Variants in SLC26A8 observed in about 807,000 individuals in gnomAD.
The protein encoded by SLC26A8 is solute carrier family 26 member 8.
Under a neutral mutation model 105.0 loss-of-function variants are expected in SLC26A8, and 70 were observed. The ratio of observed to expected loss-of-function variants is 0.67; its 90% CI spans 0.55 to 0.81. SLC26A8 has a LOEUF of 0.81. Among genes scored for constraint, SLC26A8 ranks in the 40% least tolerant of loss-of-function variants. The pLI is 0.00. For missense variants in SLC26A8, 998 were observed against 1,181.8 expected (o/e 0.84, Z 2.28); for synonymous variants, 415 against 438.3 (o/e 0.95, Z 0.66).
intron 3 of SLC26A8, among the ~76,000 whole-genome samples, chr6:36,006,276 C>T (rs1441851291): frequency 6.6e-6 from 1 of 152,124 alleles, no homozygotes; most frequent in African/African-American, 2.4e-5. Context: ...CATACCACTA[C>T]ACCTGGCTAA....
intron 7 of SLC26A8, among the ~76,000 whole-genome samples, chr6:35,986,858 T>C (rs1241671512): frequency 2.0e-5 from 3 of 152,176 alleles, no homozygotes; most frequent in African/African-American, 4.8e-5. Flanking sequence ...ACCACATGTA[T>C]CCATTTATCT....
chr6:35,961,700 A>G (rs1772313791), intron 12 of SLC26A8, among the ~76,000 whole-genome samples: 1 of 152,164 alleles, frequency 6.6e-6, no homozygotes, highest in Non-Finnish European at 1.5e-5. Flanking sequence ...TTAGCTCCTC[A>G]GGGATCTGGC....
In SLC26A8 at chr6:36,012,187, G is replaced by A. The variant is rs1761878200; in HGVS notation, c.328+46C>T. ...TGTTTACCCTGGGCACGTGGACAAG[G>A]TCTGATACATTGTCTTTGGATGAAC... On this transcript the variant is annotated intron_variant, in intron 3 of 19. Coordinates refer to ENST00000490799, the MANE Select transcript of SLC26A8 (RefSeq NM_052961.4). The A allele has an allele frequency of 1.9e-6, 3 of 1,596,672 alleles. No homozygotes were observed. The South Asian group carries it at 3.4e-5, about 18-fold the overall frequency.
intron 3 of SLC26A8, among the ~76,000 whole-genome samples, chr6:36,006,260 C>T (rs1174354758): frequency 1.3e-5 from 2 of 152,130 alleles, no homozygotes; most frequent in Non-Finnish European, 2.9e-5. Context: ...GCTGGGATTA[C>T]AGGCACATAC....
At chr6:35,980,565 G>A (rs898581650) in intron 8 of SLC26A8, among the ~76,000 whole-genome samples, 6 of 152,132 alleles carry the variant, frequency 3.9e-5, no homozygotes, top group Non-Finnish European at 8.8e-5. Flanking sequence ...TGAGGACAGA[G>A]ATCGTGTCTT....
rs140565578 is a variant in SLC26A8 at position 35,955,163 on chromosome 6, C to G, written c.2221G>C (p.Val741Leu). Residue 741 changes from valine to leucine, a missense_variant, in exon 17 of 20, where the codon GTA (valine) becomes CTA (leucine). Val to Leu is a conservative substitution (Grantham distance 32). Transcript: ENST00000490799. ...TCCTCAGTACTTACCTGTCTTAATA[C>G]GACTAACCCCCGTGAATCCACGTAG... Reference protein sequence around the residue: ...VHYVDSRGLVVLRQICNAFQN... With the variant: ...VHYVDSRGLVLLRQICNAFQN... The G allele has an allele frequency of 6.2e-7, 1 of 1,614,064 alleles. No individual in the cohort carries two copies. Among genetic ancestry groups the G allele is most frequent in the East Asian group, 2.2e-5 (1 of 44,880 alleles).
At position 35,992,605 on chromosome 6, in the gene SLC26A8, G is replaced by C; in HGVS notation, c.697C>G (p.Leu233Val). ...ATGATATGAAGTGCCACAGCAGCCA[G>C]GTAAGCACTCATTGCAGACTCCGGA... ...YLPESAMSAY[L>V]AAVALHIMLS... The change falls in exon 6 of 20, where the codon CTG becomes GTG. Residue 233 changes from leucine (L) to valine (V), a missense_variant. Leu to Val is a conservative substitution (Grantham distance 32). Transcript: ENST00000490799. 6.2e-7 allele frequency: 1 copy of C among 1,614,150 alleles called. No homozygotes were observed. The highest frequency in any genetic ancestry group is 1.1e-5 in the South Asian group (1 of 91,084).
At chr6:36,003,957 G>A (rs532583584) in intron 3 of SLC26A8, among the ~76,000 whole-genome samples, 37 of 151,664 alleles carry the variant, frequency 2.4e-4, no homozygotes, top group African/African-American at 7.0e-4. Flanking sequence ...CACCATGCCC[G>A]GCCTATTTCT....
intron 7 of SLC26A8, among the ~76,000 whole-genome samples, chr6:35,985,692 CAAA>C (rs58199602): frequency 0.27 from 12,833 of 47,330 alleles, 1,023 homozygotes; most frequent in South Asian, 0.36. Flanking sequence ...GACTCCGTCT[CAAA>C]AAAAAAAAAA....
chr6:36,021,024 A>G (rs907271368), intron 1 of SLC26A8, among the ~76,000 whole-genome samples: 3 of 152,214 alleles, frequency 2.0e-5, no homozygotes, highest in Admixed American at 2.0e-4. Context: ...AAATTTCCAC[A>G]ACAATACCAG....
chr6:35,960,911 C>T lies in SLC26A8; in HGVS notation c.1570G>A (p.Ala524Thr). The T allele has an allele frequency of 6.2e-7, 1 of 1,614,130 alleles. No homozygotes were observed. Among genetic ancestry groups the T allele is most frequent in the Non-Finnish European group, 8.5e-7 (1 of 1,180,024 alleles). The change falls in exon 14 of 20, where the codon GCT (alanine) becomes ACT (threonine). Residue 524 changes from alanine (A) to threonine (T), a missense_variant and splice_region_variant. By Grantham distance (58) the Ala-to-Thr change is moderately conservative. Coordinates refer to ENST00000490799, the MANE Select transcript of SLC26A8 (RefSeq NM_052961.4). ...ATTTGACCCAGGAGAAGAATCTTAG[C>T]TCTGAAAGGAAATGCACTTGCCTTT... The part of the protein sequence containing the change: ...FFITTVRSHR[A>T]KILLLGQIPN...
chr6:35,944,004 C>G lies in SLC26A8; in HGVS notation c.2809G>C (p.Ala937Pro), dbSNP rs1771572890. 1 of 1,613,972 alleles carries G rather than the reference C, an allele frequency of 6.2e-7. No homozygotes were observed. Among genetic ancestry groups the G allele is most frequent in the South Asian group, 1.1e-5 (1 of 91,088 alleles). The change falls in exon 20 of 20, where the codon GCT (alanine) becomes CCT (proline). Residue 937 changes from alanine to proline, a missense_variant. Physicochemically the swap from Ala to Pro is conservative, Grantham distance 27. Transcript: ENST00000490799. Reference sequence around the variant, plus strand: ...GTCTGAGTCTGAGACTGGGTGGAAGCCATAGACGGATGATACATAGGCCAG... The same window carrying G: ...GTCTGAGTCTGAGACTGGGTGGAAGGCATAGACGGATGATACATAGGCCAG... Reference protein sequence around the residue: ...RYWPMYHPSMASTQSQTQTRT... With the variant: ...RYWPMYHPSMPSTQSQTQTRT...
intron 3 of SLC26A8, among the ~76,000 whole-genome samples, chr6:36,004,947 T>A (rs1019893777): frequency 6.6e-6 from 1 of 151,642 alleles, no homozygotes; most frequent in Non-Finnish European, 1.5e-5. Context: ...ATTACAGGCA[T>A]GAGTCACCAC....
chr6:35,945,991 C>G (rs1364111454), intron 19 of SLC26A8, among the ~76,000 whole-genome samples: 2 of 152,142 alleles, frequency 1.3e-5, no homozygotes, highest in Non-Finnish European at 2.9e-5. Flanking sequence ...TTTGCTATCT[C>G]CTCTCCTTCT....
intron 3 of SLC26A8, among the ~76,000 whole-genome samples, chr6:36,002,643 A>G (rs1300558793): frequency 6.6e-6 from 1 of 151,606 alleles, no homozygotes; most frequent in African/African-American, 2.4e-5. Flanking sequence ...GAGTATGTAT[A>G]TTATAAATAA....
intron 9 of SLC26A8, among the ~76,000 whole-genome samples, chr6:35,976,309 A>G (rs1407603245): frequency 2.0e-5 from 3 of 151,710 alleles, no homozygotes; most frequent in African/African-American, 7.3e-5. Flanking sequence ...CTGTAATCCC[A>G]GCTACTCGGG....
Position 35,968,607 on chromosome 6 carries a change from GTGTATATATA to G in SLC26A8, c.1365+260_1365+269del, listed in dbSNP as rs1274726632. ...TGTGTGTATGTGTGTGTGTGTGTGT[GTGTATATATA>G]TATATATATATATATATATATATAT... On this transcript the variant is annotated intron_variant, in intron 11 of 19. Transcript: ENST00000490799. 4.7e-3 allele frequency among the ~76,000 whole-genome samples: 221 copies of G among 46,998 alleles called. 2 individuals are homozygous for G. Among genetic ancestry groups the G allele is most frequent in the South Asian group, 0.018 (26 of 1,418 alleles). 30.8% of individuals were successfully genotyped at this position (46,998 alleles called of 152,430 possible).
intron 3 of SLC26A8, among the ~76,000 whole-genome samples, chr6:36,006,471 G>A (rs997646847): frequency 2.0e-5 from 3 of 152,116 alleles, no homozygotes; most frequent in African/African-American, 7.2e-5. Flanking sequence ...CTATGTGCTA[G>A]GTGTTGTGGT....
At chr6:36,017,568 G>T (rs188049622) in intron 2 of SLC26A8, among the ~76,000 whole-genome samples, 2 of 152,164 alleles carry the variant, frequency 1.3e-5, no homozygotes, top group Middle Eastern at 3.2e-3. Flanking sequence ...GGAGGCAGGG[G>T]CTGCAGTGAG....
Sources: allele counts gnomAD v4.1 joint callset (sites outside exome capture counted in the v4.1 genomes callset), GRCh38; gene constraint gnomAD v4.1.1; transcripts MANE v1.5; gene names NCBI Gene and HGNC (gene_info 2026-07-23, HGNC 2026-07-21).